SLIT2: variants seen among roughly 807,000 people sequenced by gnomAD.
The protein encoded by SLIT2 is slit guidance ligand 2, also known as slit homolog 2 protein.
Under a neutral mutation model 185.7 loss-of-function variants are expected in SLIT2, and 41 were observed. That is an observed-to-expected ratio of 0.22 (90% CI 0.17 to 0.29). The LOEUF (loss-of-function observed/expected upper bound fraction) is 0.29, where lower values mean the gene tolerates loss of function less well. Among genes scored for constraint, SLIT2 ranks in the 10% least tolerant of loss-of-function variants. SLIT2 has a pLI of 1.00. For synonymous variants in SLIT2, 693 were observed against 680.2 expected (o/e 1.02, Z -0.29); for missense variants, 1,571 against 1,909.0 (o/e 0.82, Z 3.30).
intron 4 of SLIT2, among the ~76,000 whole-genome samples, chr4:20,416,707 C>T (rs184415613): frequency 2.6e-5 from 4 of 152,220 alleles, no homozygotes; most frequent in South Asian, 2.1e-4. Flanking sequence ...TTAATAAAGT[C>T]GAACAGAAGC....
chr4:20,254,143 A>G lies in SLIT2; in HGVS notation c.179+149A>G. On this transcript the variant is annotated intron_variant, in intron 1 of 36. Coordinates refer to ENST00000504154, the MANE Select transcript of SLIT2 (RefSeq NM_004787.4). The surrounding 1 kb of genome is among the most constrained non-coding windows in gnomAD (Gnocchi z 5.1). ...ACATCCTGGGGTTGAGCTCTCCGGGAGGGCACTGGCCAGGGAAGGGCCTCT... is the reference window on the plus strand; with the variant it reads ...ACATCCTGGGGTTGAGCTCTCCGGGGGGGCACTGGCCAGGGAAGGGCCTCT... The G allele has an allele frequency of 1.2e-6, 1 of 802,942 alleles. No individual in the cohort carries two copies. The highest frequency in any genetic ancestry group is 2.3e-4 in the Middle Eastern group (1 of 4,268). 49.7% of individuals were successfully genotyped at this position (802,942 alleles called of 1,614,324 possible).
intron 7 of SLIT2, among the ~76,000 whole-genome samples, chr4:20,488,462 C>T (rs370242435): frequency 5.9e-5 from 9 of 152,136 alleles, no homozygotes; most frequent in East Asian, 1.9e-4. Context: ...ACTTGCCCCT[C>T]GCCCAGTCTC....
intron 3 of SLIT2, among the ~76,000 whole-genome samples, chr4:20,267,010 T>G (rs1043493494): frequency 6.6e-6 from 1 of 151,982 alleles, no homozygotes; most frequent in African/African-American, 2.4e-5. Flanking sequence ...TCATGAGAGC[T>G]CATTTCTGAT....
At position 20,256,709 on chromosome 4, in the gene SLIT2, A is replaced by G. The variant is rs936720318; in HGVS notation, c.217A>G (p.Thr73Ala). The change falls in exon 2 of 37, where the codon ACA (threonine) becomes GCA (alanine). Residue 73 changes from threonine (T) to alanine (A), a missense_variant. Around this residue, in one of 3 missense-constraint regions of SLIT2, gnomAD observed 1,202 missense variants for 1,416.4 expected, o/e 0.85. Coordinates refer to ENST00000504154, the MANE Select transcript of SLIT2 (RefSeq NM_004787.4). The stretch of plus-strand genomic sequence containing the variant: ...AAATAACATCACAAGAATTACGAAG[A>G]CAGATTTTGCTGGTCTTAGACATCT... Reference protein sequence around the residue: ...NGNNITRITKTDFAGLRHLRV... With the variant: ...NGNNITRITKADFAGLRHLRV... 1.3e-6 allele frequency: 2 copies of G among 1,576,948 alleles called. No homozygotes were observed. The highest frequency in any genetic ancestry group is 2.7e-5 in the African/African-American group (2 of 73,796).
intron 28 of SLIT2, among the ~76,000 whole-genome samples, chr4:20,568,034 C>T (rs1725252050): frequency 6.6e-6 from 1 of 151,994 alleles, no homozygotes. Context: ...AGAAAATTAA[C>T]GATTTATTTC....
At chr4:20,288,086 G>T (rs571905628) in intron 4 of SLIT2, among the ~76,000 whole-genome samples, 1 of 152,138 alleles carries the variant, frequency 6.6e-6, no homozygotes, top group Non-Finnish European at 1.5e-5. Context: ...TTAGTAAGTC[G>T]ATAGAATTTC....
chr4:20,490,105 A>G (rs1717643732), intron 8 of SLIT2, among the ~76,000 whole-genome samples: 1 of 152,130 alleles, frequency 6.6e-6, no homozygotes, highest in African/African-American at 2.4e-5. Context: ...AAATAAATCA[A>G]TAAAATAAAT....
At chr4:20,515,568 A>G (rs926398629) in intron 11 of SLIT2, among the ~76,000 whole-genome samples, 3 of 152,126 alleles carry the variant, frequency 2.0e-5, no homozygotes, top group East Asian at 3.8e-4. Context: ...GCATTTTACT[A>G]TAGGTTTTCA....
In SLIT2 at chr4:20,472,298, A is replaced by C. The variant is rs374534426; in HGVS notation, c.467+4475A>C. Among the ~76,000 whole-genome samples, 162 of 18,932 alleles carry C rather than the reference A, an allele frequency of 8.6e-3. 4 individuals carry two copies. The highest frequency in any genetic ancestry group is 0.011 in the South Asian group (4 of 376). 12.4% of individuals were successfully genotyped at this position (18,932 alleles called of 152,430 possible). ...TATCTATATATATAGATATATAGAT[A>C]TATAGATCTATATATAGATATATAT... On this transcript the variant is annotated intron_variant, in intron 5 of 36. Coordinates refer to ENST00000504154, the MANE Select transcript of SLIT2 (RefSeq NM_004787.4).
chr4:20,601,316 A>G (rs1728393032), intron 33 of SLIT2, among the ~76,000 whole-genome samples: 1 of 152,242 alleles, frequency 6.6e-6, no homozygotes, highest in African/African-American at 2.4e-5. Flanking sequence ...AAATGGGGAT[A>G]ACAAATAATA....
chr4:20,310,308 A>G (rs963277550), intron 4 of SLIT2, among the ~76,000 whole-genome samples: 3 of 152,208 alleles, frequency 2.0e-5, no homozygotes, highest in East Asian at 1.9e-4. Context: ...AACCTGGATG[A>G]AACATTAGCA....
chr4:20,577,087 C>G (rs1364778655), intron 29 of SLIT2, among the ~76,000 whole-genome samples: 1 of 152,022 alleles, frequency 6.6e-6, no homozygotes, highest in African/African-American at 2.4e-5. Flanking sequence ...AGACATTACC[C>G]TGATCTACTG....
At chr4:20,366,627 A>G (rs1332708776) in intron 4 of SLIT2, among the ~76,000 whole-genome samples, 1 of 152,100 alleles carries the variant, frequency 6.6e-6, no homozygotes, top group African/African-American at 2.4e-5. Context: ...GCATGTGCCT[A>G]TCTCTATCTA....
At chr4:20,256,346 TAGC>T (rs1711836324) in intron 1 of SLIT2, among the ~76,000 whole-genome samples, 1 of 150,976 alleles carries the variant, frequency 6.6e-6, no homozygotes, top group African/African-American at 2.4e-5. Flanking sequence ...TATAGTAAAA[TAGC>T]AGAATACCTG....
At chr4:20,315,911 A>T (rs932011825) in intron 4 of SLIT2, among the ~76,000 whole-genome samples, 2 of 151,984 alleles carry the variant, frequency 1.3e-5, no homozygotes, top group African/African-American at 4.8e-5. Flanking sequence ...CATATTTATG[A>T]TATTTTGAGG....
chr4:20,424,010 A>G (rs1161922867), intron 4 of SLIT2, among the ~76,000 whole-genome samples: 2 of 152,118 alleles, frequency 1.3e-5, no homozygotes, highest in African/African-American at 4.8e-5. Flanking sequence ...ATTCTTCTAG[A>G]AAAGGGAATA....
At chr4:20,405,025 G>GAA (rs139602995) in intron 4 of SLIT2, among the ~76,000 whole-genome samples, 47,337 of 151,614 alleles carry the variant, frequency 0.31, 7,643 homozygotes, top group Non-Finnish European at 0.37. Context: ...AAGTGAGGGA[G>GAA]AAAGACTCTT....
At chr4:20,513,770 T>C (rs1040464741) in intron 11 of SLIT2, among the ~76,000 whole-genome samples, 5 of 152,018 alleles carry the variant, frequency 3.3e-5, no homozygotes, top group Admixed American at 6.6e-5. Context: ...AATAAGATGA[T>C]CAACAAAGAC....
chr4:20,305,531 A>C (rs539889028), intron 4 of SLIT2, among the ~76,000 whole-genome samples: 3 of 152,280 alleles, frequency 2.0e-5, no homozygotes, highest in Admixed American at 2.0e-4. Flanking sequence ...ATGAAAGGCA[A>C]ATGATGTATT....
Sources: allele counts gnomAD v4.1 joint callset (sites outside exome capture counted in the v4.1 genomes callset), GRCh38; gene constraint gnomAD v4.1.1; regional missense constraint gnomAD v4.1.1; non-coding constraint Gnocchi (gnomAD v3.1); transcripts MANE v1.5; gene names NCBI Gene and HGNC (gene_info 2026-07-23, HGNC 2026-07-21).